The following PTPN6 variants were observed in gnomAD, a reference collection of about 807,000 sequenced individuals.
The protein encoded by PTPN6 is tyrosine-protein phosphatase non-receptor type 6.
A neutral mutation model predicts 81.5 loss-of-function variants in PTPN6; 18 were observed. The ratio of observed to expected loss-of-function variants is 0.22; its 90% CI spans 0.15 to 0.33. PTPN6 has a LOEUF of 0.33. PTPN6 is among the 10% of genes least tolerant of loss of function. The pLI, the probability that PTPN6 is intolerant of heterozygous loss-of-function variation, is 1.00. For missense variants in PTPN6, 500 were observed against 794.2 expected (o/e 0.63, Z 4.45); for synonymous variants, 301 against 310.9 (o/e 0.97, Z 0.33).
chr12:6,960,991 C>T lies in PTPN6; in HGVS notation c.*25+46C>T. ...TGTCCTCCCTGCCCTGCCCTGTGTCCTTGGCTCCACTGCCTTCCCTGGGTG... is the reference window on the plus strand; with the variant it reads ...TGTCCTCCCTGCCCTGCCCTGTGTCTTTGGCTCCACTGCCTTCCCTGGGTG... On this transcript the variant is annotated intron_variant, in intron 15 of 15. Transcript: ENST00000318974. This position sits in a 1 kb window ranked among gnomAD's most constrained non-coding sequence, Gnocchi z 6.1. 1 of 1,549,016 alleles carries T rather than the reference C, an allele frequency of 6.5e-7. No homozygotes were observed. The highest frequency in any genetic ancestry group is 8.7e-7 in the Non-Finnish European group (1 of 1,146,664).
intron 11 of PTPN6, among the ~76,000 whole-genome samples, chr12:6,958,353 C>T (rs1409114435): frequency 6.6e-6 from 1 of 152,204 alleles, no homozygotes; most frequent in East Asian, 1.9e-4. Context: ...AGCCCGGGAC[C>T]CAGTTGCTGG....
At chr12:6,946,719 C>T (rs371889526), upstream of PTPN6, 49 of 1,612,092 alleles carry the variant, frequency 3.0e-5, no homozygotes, top group Non-Finnish European at 4.2e-5. Flanking sequence ...CCCCTCCCTA[C>T]AGAGAGATGC....
rs754618018 is a variant in PTPN6, at chr12:6,959,496, C to T, written c.1362-431C>T. 1.8e-3 allele frequency: 549 copies of T among 301,028 alleles called. No individual in the cohort carries two copies. Among genetic ancestry groups the T allele is most frequent in the Non-Finnish European group, 3.0e-3 (464 of 154,398 alleles). The allele number at this position is 301,028 out of a possible 1,614,324, so 18.6% of individuals were successfully genotyped here. On this transcript the variant is annotated intron_variant, in intron 11 of 15. Transcript: ENST00000318974. The surrounding 1 kb of genome is among the most constrained non-coding windows in gnomAD (Gnocchi z 6.6). The stretch of plus-strand genomic sequence containing the variant: ...TGTCTCAGGGCTATCCTTTCCCTGA[C>T]GTCAGGGTTTGAAGGAAAAGGGAAG...
At position 6,960,802 on chromosome 12, in the gene PTPN6, G is replaced by A; in HGVS notation, c.1674-4G>A. ...TGTACTTGCCCCCCTGCACCCGGCT[G>A]CAGACACAAGGAGGATGTGTATGAG... On this transcript the variant is annotated splice_polypyrimidine_tract_variant and splice_region_variant and intron_variant, in intron 14 of 15. Coordinates refer to ENST00000318974, the MANE Select transcript of PTPN6 (RefSeq NM_002831.6). This position sits in a 1 kb window ranked among gnomAD's most constrained non-coding sequence, Gnocchi z 6.1. The A allele has an allele frequency of 6.4e-7, 1 of 1,559,604 alleles. No homozygotes were observed. The highest frequency in any genetic ancestry group is 2.4e-5 in the East Asian group (1 of 41,682).
chr12:6,955,324 G>C lies in PTPN6; in HGVS notation c.634-48G>C. Reference sequence around the variant, plus strand: ...CCCCTGAGCTGTCCCCCAGATGTGAGCTTCTGGGATCTCTGAGTTGCTGAC... The same window carrying C: ...CCCCTGAGCTGTCCCCCAGATGTGACCTTCTGGGATCTCTGAGTTGCTGAC... On this transcript the variant is annotated intron_variant, in intron 5 of 15. Transcript: ENST00000318974. The surrounding 1 kb of genome is among the most constrained non-coding windows in gnomAD (Gnocchi z 7.2). 1.2e-6 allele frequency: 2 copies of C among 1,607,348 alleles called. No individual in the cohort carries two copies. Among genetic ancestry groups the C allele is most frequent in the Non-Finnish European group, 1.7e-6 (2 of 1,173,954 alleles).
At position 6,955,405 on chromosome 12, in the gene PTPN6, A is replaced by G; in HGVS notation, c.667A>G (p.Ile223Val). The change falls in exon 6 of 16, where the codon ATT (isoleucine) becomes GTT (valine). Residue 223 changes from isoleucine to valine, a missense_variant. Physicochemically the swap from Ile to Val is conservative, Grantham distance 29. Around this residue, in one of 6 missense-constraint regions of PTPN6, gnomAD observed 96 missense variants for 137.3 expected, o/e 0.70. Transcript: ENST00000318974. This position sits in a 1 kb window ranked among gnomAD's most constrained non-coding sequence, Gnocchi z 7.2. Reference protein sequence around the residue: ...YYATRVNAADIENRVLELNKK... With the variant: ...YYATRVNAADVENRVLELNKK... The stretch of plus-strand genomic sequence containing the variant: ...TGCCACGAGGGTGAATGCGGCTGAC[A>G]TTGAGAACCGAGTGTTGGAACTGAA... 3 of 1,614,076 alleles carry G rather than the reference A, an allele frequency of 1.9e-6. No individual in the cohort carries two copies. Among genetic ancestry groups the G allele is most frequent in the Non-Finnish European group, 2.5e-6 (3 of 1,179,992 alleles).
Position 6,957,049 on chromosome 12 carries a change from T to A in PTPN6, c.1074+481T>A, listed in dbSNP as rs1555148831. Among the ~76,000 whole-genome samples the A allele has an allele frequency of 6.6e-6, 1 of 152,208 alleles. No homozygotes were observed. The highest frequency in any genetic ancestry group is 1.5e-5 in the Non-Finnish European group (1 of 68,038). Reference sequence around the variant, plus strand: ...GGCCTGGCATTCAAGGTCTGGTGGCTTCCCTCTGACCCGCACGCTTCTCTT... The same window carrying A: ...GGCCTGGCATTCAAGGTCTGGTGGCATCCCTCTGACCCGCACGCTTCTCTT... On this transcript the variant is annotated intron_variant, in intron 9 of 15. Coordinates refer to ENST00000318974, the MANE Select transcript of PTPN6 (RefSeq NM_002831.6). This position sits in a 1 kb window ranked among gnomAD's most constrained non-coding sequence, Gnocchi z 6.5.
At chr12:6,950,391 A>G (rs1330719749), upstream of PTPN6, among the ~76,000 whole-genome samples, 1 of 152,048 alleles carries the variant, frequency 6.6e-6, no homozygotes, top group Non-Finnish European at 1.5e-5. Context: ...AATTACAGGT[A>G]GGCAGCATCA....
At chr12:6,958,460 T>A (rs1005498291) in intron 11 of PTPN6, among the ~76,000 whole-genome samples, 4 of 152,236 alleles carry the variant, frequency 2.6e-5, no homozygotes, top group Non-Finnish European at 5.9e-5. Context: ...TTCTGTTGGT[T>A]TCTTCTCCCA....
At chr12:6,950,956 A>G (rs367944970), upstream of PTPN6, among the ~76,000 whole-genome samples, 45 of 152,318 alleles carry the variant, frequency 3.0e-4, no homozygotes, top group African/African-American at 1.1e-3. Flanking sequence ...GAACGCCATT[A>G]TAGCACAGCG....
rs782170877 is a variant in PTPN6 at position 6,960,186 on chromosome 12, G to A, written c.1528G>A (p.Val510Met). ...GGAGGCGCAGTACAAGTTCATCTAC[G>A]TGGCCATCGCCCAGTTCATTGAAAC... is the stretch of plus-strand genomic sequence containing the variant. ...QTEAQYKFIY[V>M]AIAQFIETTK... Residue 510 changes from valine (V) to methionine (M), a missense_variant, in exon 13 of 16, where the codon GTG becomes ATG. This residue lies in a region of PTPN6 where 226 missense variants were observed against 364.4 expected (regional missense o/e 0.62). Coordinates refer to ENST00000318974, the MANE Select transcript of PTPN6 (RefSeq NM_002831.6). This position sits in a 1 kb window ranked among gnomAD's most constrained non-coding sequence, Gnocchi z 6.1. The A allele has an allele frequency of 5.6e-6, 9 of 1,613,148 alleles. No homozygotes were observed. The highest frequency in any genetic ancestry group is 2.2e-5 in the East Asian group (1 of 44,790).
chr12:6,958,159 G>A (rs1342643181), intron 11 of PTPN6, 86 bp downstream of exon 11: 12 of 1,549,710 alleles, frequency 7.7e-6, no homozygotes, highest in East Asian at 2.3e-5. Context: ...CAATATAAAC[G>A]TTAGCTCGCA....
At position 6,951,443 on chromosome 12, in the gene PTPN6, C is replaced by G. The variant is rs1555147698; in HGVS notation, c.-70C>G. On this transcript the variant is annotated 5_prime_UTR_variant, in exon 1 of 16. Coordinates refer to ENST00000318974, the MANE Select transcript of PTPN6 (RefSeq NM_002831.6). This position sits in a 1 kb window ranked among gnomAD's most constrained non-coding sequence, Gnocchi z 7.2. ...CTGCATCTGAGGCTTAGTCCCTGAGCTCTCTGCCTGCCCAGACTAGCTGCA... is the reference window on the plus strand; with the variant it reads ...CTGCATCTGAGGCTTAGTCCCTGAGGTCTCTGCCTGCCCAGACTAGCTGCA... The G allele has an allele frequency of 6.2e-7, 1 of 1,604,370 alleles. No homozygotes were observed. The highest frequency in any genetic ancestry group is 8.5e-7 in the Non-Finnish European group (1 of 1,175,724).
chr12:6,955,787 G>A lies in PTPN6; in HGVS notation c.844+31G>A, dbSNP rs1555148556. Reference sequence around the variant, plus strand: ...CACCCAGGCTGCCCCATTCACCCAGGATACCGCCCCTGCCCCAGCTGCCTC... The same window carrying A: ...CACCCAGGCTGCCCCATTCACCCAGAATACCGCCCCTGCCCCAGCTGCCTC... On this transcript the variant is annotated intron_variant, in intron 7 of 15. Transcript: ENST00000318974. This position sits in a 1 kb window ranked among gnomAD's most constrained non-coding sequence, Gnocchi z 7.2. The A allele has an allele frequency of 1.3e-6, 2 of 1,597,336 alleles. No individual in the cohort carries two copies. The highest frequency in any genetic ancestry group is 1.7e-6 in the Non-Finnish European group (2 of 1,165,366).
chr12:6,948,285 A>C (rs113617995), upstream of PTPN6, among the ~76,000 whole-genome samples: 104 of 152,106 alleles, frequency 6.8e-4, no homozygotes, highest in African/African-American at 2.0e-3. Context: ...TACTACTAAT[A>C]AATAGCTGGA....
rs929333025 is a variant in PTPN6, at chr12:6,954,752, A to G, written c.327-53A>G. The G allele has an allele frequency of 1.3e-6, 2 of 1,565,474 alleles. No individual in the cohort carries two copies. Among genetic ancestry groups the G allele is most frequent in the Admixed American group, 1.7e-5 (1 of 58,288 alleles). ...CCCCTCTCTGTGAATGTCTCTGCTC[A>G]GCGCCTTCCCCTGTGGCCTGGGTCT... On this transcript the variant is annotated intron_variant, in intron 3 of 15. Coordinates refer to ENST00000318974, the MANE Select transcript of PTPN6 (RefSeq NM_002831.6). The surrounding 1 kb of genome is among the most constrained non-coding windows in gnomAD (Gnocchi z 5.4).
At position 6,959,183 on chromosome 12, in the gene PTPN6, C is replaced by T. The variant is rs1195427681; in HGVS notation, c.1362-744C>T. On this transcript the variant is annotated intron_variant, in intron 11 of 15. Coordinates refer to ENST00000318974, the MANE Select transcript of PTPN6 (RefSeq NM_002831.6). The surrounding 1 kb of genome is among the most constrained non-coding windows in gnomAD (Gnocchi z 6.6). ...TGTGCTCTCTCAGGGACAGGCCCAT[C>T]CCCGAGAGCTACCCTCCTGCTCACC... The T allele has an allele frequency of 6.5e-6, 1 of 153,716 alleles. No homozygotes were observed. Among genetic ancestry groups the T allele is most frequent in the African/African-American group, 2.4e-5 (1 of 41,474 alleles). 9.5% of individuals were successfully genotyped at this position (153,716 alleles called of 1,614,324 possible).
upstream of PTPN6, among the ~76,000 whole-genome samples, chr12:6,947,681 A>AG (rs1322454389): frequency 2.0e-5 from 3 of 151,814 alleles, no homozygotes; most frequent in East Asian, 5.8e-4. Context: ...AAAAAAAAAA[A>AG]AAAAAAGAAA....
Position 6,957,276 on chromosome 12 carries a change from T to C in PTPN6, c.1075-378T>C. 6.6e-6 allele frequency among the ~76,000 whole-genome samples: 1 copy of C among 152,228 alleles called. No individual in the cohort carries two copies. The highest frequency in any genetic ancestry group is 1.9e-4 in the East Asian group (1 of 5,192). Reference sequence around the variant, plus strand: ...CAGGACCTAGAGGGAGAATTACGTCTTTCCCAGCCACGCTCCTCAGCGCGG... The same window carrying C: ...CAGGACCTAGAGGGAGAATTACGTCCTTCCCAGCCACGCTCCTCAGCGCGG... On this transcript the variant is annotated intron_variant, in intron 9 of 15. Coordinates refer to ENST00000318974, the MANE Select transcript of PTPN6 (RefSeq NM_002831.6). This position sits in a 1 kb window ranked among gnomAD's most constrained non-coding sequence, Gnocchi z 6.5.
Sources: allele counts gnomAD v4.1 joint callset (sites outside exome capture counted in the v4.1 genomes callset), GRCh38; gene constraint gnomAD v4.1.1; regional missense constraint gnomAD v4.1.1; non-coding constraint Gnocchi (gnomAD v3.1); transcripts MANE v1.5; gene names NCBI Gene and HGNC (gene_info 2026-07-23, HGNC 2026-07-21).